BAIAP2: variants seen among roughly 807,000 people sequenced by gnomAD.
BAIAP2 encodes BAR/IMD domain-containing adapter protein 2.
In BAIAP2, 18 loss-of-function variants were observed where a neutral mutation model predicts 63.0. The observed-to-expected ratio is 0.29, with a 90% CI of 0.20 to 0.42. The LOEUF is 0.42. Among genes scored for constraint, BAIAP2 ranks in the 10% least tolerant of loss-of-function variants. The pLI, the probability that BAIAP2 is intolerant of heterozygous loss-of-function variation, is 1.00. For synonymous variants in BAIAP2, 386 were observed against 307.6 expected (o/e 1.25, Z -2.67); for missense variants, 610 against 734.3 (o/e 0.83, Z 1.96).
chr17:81,048,356 CAAAAAAA>C (rs5822388), intron 1 of BAIAP2, among the ~76,000 whole-genome samples: 25 of 90,244 alleles, frequency 2.8e-4, no homozygotes, highest in African/African-American at 6.1e-4. Flanking sequence ...GACTCTGTCT[CAAAAAAA>C]AAAAAAAAAA....
chr17:81,056,793 A>G (rs1403252962), intron 2 of BAIAP2, among the ~76,000 whole-genome samples: 1 of 36,888 alleles, frequency 2.7e-5, no homozygotes, highest in Non-Finnish European at 6.8e-5. Flanking sequence ...CTGGAGTCTC[A>G]CTTCTGCTGT....
At chr17:81,091,844 T>G (rs2056827628) in intron 6 of BAIAP2, among the ~76,000 whole-genome samples, 1 of 152,224 alleles carries the variant, frequency 6.6e-6, no homozygotes, top group Admixed American at 6.5e-5. Flanking sequence ...GACCCTTTAG[T>G]GCCTCTGGGG....
intron 13 of BAIAP2, chr17:81,109,411 A>C (rs981461569): frequency 9.8e-7 from 1 of 1,016,504 alleles, no homozygotes; most frequent in African/African-American, 1.7e-5. Context: ...AAAGAAAAAC[A>C]GGAAAAAGGA....
intron 13 of BAIAP2, chr17:81,110,617 C>T: frequency 8.0e-7 from 1 of 1,244,626 alleles, no homozygotes; most frequent in Non-Finnish European, 1.0e-6. Context: ...ACTCAGTCGC[C>T]TGCTAGATAA....
chr17:81,048,616 C>G (rs537690582), intron 1 of BAIAP2, among the ~76,000 whole-genome samples: 1 of 152,248 alleles, frequency 6.6e-6, no homozygotes, highest in African/African-American at 2.4e-5. Context: ...CCAGCAGTGT[C>G]CAGCAGCTCG....
At chr17:81,051,959 G>A (rs141679092) in intron 1 of BAIAP2, among the ~76,000 whole-genome samples, 56 of 152,276 alleles carry the variant, frequency 3.7e-4, no homozygotes, top group African/African-American at 1.3e-3. Context: ...CAAAATGCTG[G>A]GATTATACGT....
At chr17:81,085,795 C>T (rs948901615) in intron 5 of BAIAP2, 70 bp downstream of exon 5, 1 of 1,214,622 alleles carries the variant, frequency 8.2e-7, no homozygotes, top group Non-Finnish European at 1.2e-6. Context: ...GCCTGCCACT[C>T]CTTCCTCGGC....
chr17:81,115,738 C>T (rs750723032), intron 13 of BAIAP2, 32 bp from the exon 14 acceptor site: 2 of 1,613,150 alleles, frequency 1.2e-6, no homozygotes, highest in African/African-American at 2.7e-5. Flanking sequence ...GGCTTCCGCC[C>T]TAAAAATTAA....
At chr17:81,059,050 C>T (rs2050101341) in intron 3 of BAIAP2, among the ~76,000 whole-genome samples, 1 of 152,186 alleles carries the variant, frequency 6.6e-6, no homozygotes, top group Admixed American at 6.5e-5. Flanking sequence ...CTCTCCAGTT[C>T]ACTCACGACG....
At chr17:81,108,023 G>A (rs932109451) in intron 12 of BAIAP2, 1 of 190,414 alleles carries the variant, frequency 5.3e-6, no homozygotes, top group Non-Finnish European at 1.1e-5. Context: ...GGCCGGGATG[G>A]TACATGTGAC....
rs985878120 is a variant in BAIAP2, at chr17:81,075,979, C to T, written c.218-8853C>T. On this transcript the variant is annotated intron_variant, in intron 3 of 13. Transcript: ENST00000428708. Reference sequence around the variant, plus strand: ...TAGTGGTGATGAATAAAATGCATAACGCAGAGAAGCAGAAGTGCCTGCACC... The same window carrying T: ...TAGTGGTGATGAATAAAATGCATAATGCAGAGAAGCAGAAGTGCCTGCACC... 8.2e-5 allele frequency among the ~76,000 whole-genome samples: 12 copies of T among 146,504 alleles called. No homozygotes were observed. The East Asian group carries it at 1.2e-3, about 15-fold the overall frequency.
At position 81,035,246 on chromosome 17, in the gene BAIAP2, C is replaced by T. The variant is rs1240340746; in HGVS notation, c.-9C>T. On this transcript the variant is annotated 5_prime_UTR_variant, in exon 1 of 14. Coordinates refer to ENST00000428708, the MANE Select transcript of BAIAP2 (RefSeq NM_001144888.2). The stretch of plus-strand genomic sequence containing the variant: ...GCTCCGGTCTGTGGTGCAGCCGGGA[C>T]CCAGGACCATGTCTCTGTCTCGCTC... 1 of 1,516,822 alleles carries T rather than the reference C, an allele frequency of 6.6e-7. No homozygotes were observed. The highest frequency in any genetic ancestry group is 2.8e-5 in the East Asian group (1 of 36,118). The allele number at this position is 1,516,822 out of a possible 1,614,324, so 94.0% of individuals were successfully genotyped here. A position where few individuals can be genotyped will look rare whatever the true frequency, so the allele number is the denominator to read the frequency against.
chr17:81,061,800 C>T (rs556567505), intron 3 of BAIAP2, among the ~76,000 whole-genome samples: 4 of 152,192 alleles, frequency 2.6e-5, no homozygotes, highest in South Asian at 2.1e-4. Context: ...AGTGTGTGTT[C>T]GAATCTTCCC....
chr17:81,060,068 C>G (rs1180509174), intron 3 of BAIAP2, among the ~76,000 whole-genome samples: 1 of 152,166 alleles, frequency 6.6e-6, no homozygotes, highest in Non-Finnish European at 1.5e-5. Context: ...CTTTTGGAAT[C>G]TCTCCCCGGG....
intron 13 of BAIAP2, among the ~76,000 whole-genome samples, chr17:81,114,049 C>G (rs976033528): frequency 6.7e-6 from 1 of 150,126 alleles, no homozygotes; most frequent in Admixed American, 6.7e-5. Context: ...ACTACTGCCT[C>G]GCCCTCCTGG....
chr17:81,099,142 A>ATCTTGCTGTCCCCGTGGACACTGG (rs1555678304), intron 6 of BAIAP2, among the ~76,000 whole-genome samples: 1 of 150,396 alleles, frequency 6.6e-6, no homozygotes, highest in East Asian at 2.0e-4. Context: ...TGTGGATCTG[A>ATCTTGCTGTCCCCGTGGACACTGG]TCTTGCTGTC....
At chr17:81,109,045 T>TC in intron 13 of BAIAP2, 1 of 1,521,156 alleles carries the variant, frequency 6.6e-7, no homozygotes, top group Non-Finnish European at 8.9e-7. Flanking sequence ...TTCCGCGCCT[T>TC]CCCCCTGGTC....
At chr17:81,056,262 A>G (rs900502806) in intron 2 of BAIAP2, 8 of 152,238 alleles carry the variant, frequency 5.3e-5, no homozygotes, top group African/African-American at 1.7e-4. Context: ...TGCCCTGTGA[A>G]TGAGACCAGT....
intron 13 of BAIAP2, chr17:81,108,828 C>T: frequency 2.2e-6 from 3 of 1,344,524 alleles, no homozygotes; most frequent in Admixed American, 2.6e-5. Flanking sequence ...CTGTGCTCCG[C>T]CCTTGTCCTG....
Sources: gnomAD v4.1 joint callset for allele counts (sites outside exome capture counted in the v4.1 genomes callset) on GRCh38, gnomAD v4.1.1 for gene constraint, MANE v1.5 for transcripts, NCBI Gene and HGNC (gene_info 2026-07-23, HGNC 2026-07-21) for gene names.